Variants in CTNNA2 observed in about 807,000 individuals in gnomAD.
CTNNA2 encodes the protein catenin alpha-2.
In CTNNA2, 42 loss-of-function variants were observed where a neutral mutation model predicts 101.0. That is an observed-to-expected ratio of 0.42 (90% confidence interval 0.32 to 0.54). The LOEUF is 0.54. Ranked by LOEUF, CTNNA2 falls within the 20% of genes least tolerant of loss-of-function variation. The pLI is 0.14. For missense variants in CTNNA2, 871 were observed against 1,223.1 expected, an observed-to-expected ratio of 0.71 and a Z score of 4.29; for synonymous variants, 450 against 456.4, an observed-to-expected ratio of 0.99 and a Z score of 0.18.
intron 15 of CTNNA2, among the ~76,000 whole-genome samples, chr2:80,591,069 A>T (rs2149740288): frequency 6.6e-6 from 1 of 152,300 alleles, no homozygotes; most frequent in Admixed American, 6.5e-5. Context: ...TGGTCATGTT[A>T]CTAGTTTTGA....
intron 1 of CTNNA2, among the ~76,000 whole-genome samples, chr2:79,530,043 A>G (rs1672645544): frequency 6.6e-6 from 1 of 152,016 alleles, no homozygotes; most frequent in African/African-American, 2.4e-5. Context: ...GCAGCTAAAC[A>G]ATGACCCCAT....
intron 3 of CTNNA2, among the ~76,000 whole-genome samples, chr2:79,365,374 G>T (rs1394389680): frequency 6.6e-6 from 1 of 152,156 alleles, no homozygotes; most frequent in African/African-American, 2.4e-5. Flanking sequence ...TGTAATCCCA[G>T]CACTCTGGGA....
chr2:79,596,052 T>A (rs958211980), intron 1 of CTNNA2, among the ~76,000 whole-genome samples: 1 of 151,650 alleles, frequency 6.6e-6, no homozygotes, highest in Admixed American at 6.6e-5. Flanking sequence ...GCCCAATTGC[T>A]CTATCTTGGG....
intron 9 of CTNNA2, among the ~76,000 whole-genome samples, chr2:80,514,272 G>T (rs1688931754): frequency 1.3e-5 from 2 of 152,280 alleles, no homozygotes; most frequent in South Asian, 4.1e-4. Context: ...TTGGGTGCCA[G>T]AAGGAGCAGG....
chr2:79,372,013 C>T (rs1450928418), intron 3 of CTNNA2, among the ~76,000 whole-genome samples: 1 of 152,126 alleles, frequency 6.6e-6, no homozygotes, highest in Non-Finnish European at 1.5e-5. Flanking sequence ...AACTCTAAAA[C>T]AGCCATTCTC....
rs770802341 is a variant in CTNNA2, at chr2:80,647,570, C to G, written c.2575-15C>G. 33 of 1,586,604 alleles carry G rather than the reference C, an allele frequency of 2.1e-5. No homozygotes were observed. Among genetic ancestry groups the G allele is most frequent in the African/African-American group, 2.7e-5 (2 of 74,040 alleles). ...TCCATTAACCCACATGTATCTCATTCTTTTCCTACTCTAGCTGGACAGTGC... is the reference window on the plus strand; with the variant it reads ...TCCATTAACCCACATGTATCTCATTGTTTTCCTACTCTAGCTGGACAGTGC... On this transcript the variant is annotated splice_polypyrimidine_tract_variant and intron_variant, in intron 18 of 18. Transcript: ENST00000402739.
intron 7 of CTNNA2, among the ~76,000 whole-genome samples, chr2:80,226,211 A>T (rs186394201): frequency 6.6e-6 from 1 of 152,224 alleles, no homozygotes; most frequent in African/African-American, 2.4e-5. Context: ...TTGGATAATT[A>T]CAGTTGGTCT....
At chr2:79,411,875 A>G (rs371327296) in intron 4 of CTNNA2, among the ~76,000 whole-genome samples, 8 of 152,030 alleles carry the variant, frequency 5.3e-5, no homozygotes, top group Admixed American at 5.3e-4. Context: ...ATAATGACAG[A>G]ATCAAATTCA....
intron 7 of CTNNA2, among the ~76,000 whole-genome samples, chr2:80,004,124 A>T (rs1693163355): frequency 6.6e-6 from 1 of 152,186 alleles, no homozygotes; most frequent in South Asian, 2.1e-4. Flanking sequence ...TTGCTGCAAG[A>T]CTTTTCAGAA....
chr2:79,947,969 A>G (rs1395683639), intron 7 of CTNNA2, among the ~76,000 whole-genome samples: 3 of 152,224 alleles, frequency 2.0e-5, no homozygotes, highest in African/African-American at 7.2e-5. Context: ...GATCACCTAG[A>G]TGACTGAGGT....
intron 7 of CTNNA2, among the ~76,000 whole-genome samples, chr2:80,109,634 C>A (rs1360282719): frequency 2.0e-5 from 3 of 152,124 alleles, no homozygotes; most frequent in African/African-American, 7.2e-5. Context: ...GCATAATGTT[C>A]TCTGCTTCTC....
intron 9 of CTNNA2, among the ~76,000 whole-genome samples, chr2:80,505,316 T>C (rs1298445128): frequency 1.3e-5 from 2 of 152,330 alleles, no homozygotes; most frequent in Non-Finnish European, 2.9e-5. Context: ...ATCTCTTGGT[T>C]TGCCTAAAGG....
Position 80,047,187 on chromosome 2 carries a change from C to A in CTNNA2, c.1056+137390C>A, listed in dbSNP as rs142030794. Among the ~76,000 whole-genome samples the A allele has an allele frequency of 9.9e-3, 1,502 of 152,260 alleles. 22 individuals are homozygous for A. Among genetic ancestry groups the A allele is most frequent in the African/African-American group, 0.034 (1,428 of 41,540 alleles). On this transcript the variant is annotated intron_variant, in intron 7 of 18. Coordinates refer to ENST00000402739, the MANE Select transcript of CTNNA2 (RefSeq NM_001282597.3). Reference sequence around the variant, plus strand: ...AGTTCCTTTAGGCAATTTAATTCTGCAGGCTTACACTGTCCAATCCAGTAG... The same window carrying A: ...AGTTCCTTTAGGCAATTTAATTCTGAAGGCTTACACTGTCCAATCCAGTAG...
intron 7 of CTNNA2, among the ~76,000 whole-genome samples, chr2:80,131,864 T>C (rs1179227894): frequency 1.3e-5 from 2 of 152,148 alleles, no homozygotes; most frequent in African/African-American, 4.8e-5. Context: ...GTGGATCTCC[T>C]GAAGACAGGA....
At chr2:79,365,667 G>T (rs935275221) in intron 3 of CTNNA2, among the ~76,000 whole-genome samples, 3 of 151,728 alleles carry the variant, frequency 2.0e-5, no homozygotes, top group Non-Finnish European at 4.4e-5. Context: ...AGGGAAGTGG[G>T]GGGGACATGA....
chr2:79,300,011 C>A (rs1385775164), intron 2 of CTNNA2, among the ~76,000 whole-genome samples: 2 of 152,136 alleles, frequency 1.3e-5, no homozygotes, highest in Admixed American at 6.5e-5. Flanking sequence ...TAATATCTTG[C>A]ATTAGTGTAA....
intron 9 of CTNNA2, among the ~76,000 whole-genome samples, chr2:80,430,624 A>G (rs115737644): frequency 0.016 from 2,376 of 152,270 alleles, 40 homozygotes; most frequent in South Asian, 0.062. Flanking sequence ...AATATTGCTT[A>G]GTATACTCTC....
rs867905601 is a variant in CTNNA2 at position 80,558,559 on chromosome 2, T to C, written c.1741+2666T>C. Among the ~76,000 whole-genome samples the C allele has an allele frequency of 2.6e-5, 4 of 152,218 alleles. No individual in the cohort carries two copies. In the South Asian group the frequency reaches 6.2e-4, roughly 24 times the overall value. On this transcript the variant is annotated intron_variant, in intron 12 of 18. Transcript: ENST00000402739. ...GTCTGTGCTAAGGAGACATAAGATA[T>C]ATGTCCTCAAAATAGAAACCCTGTG...
At chr2:80,281,611 C>G (rs900869362) in intron 7 of CTNNA2, among the ~76,000 whole-genome samples, 7 of 151,784 alleles carry the variant, frequency 4.6e-5, no homozygotes, top group African/African-American at 1.7e-4. Context: ...TTTTTTTTCC[C>G]TTCATTATCT....
Sources: allele counts gnomAD v4.1 joint callset (sites outside exome capture counted in the v4.1 genomes callset), GRCh38; gene constraint gnomAD v4.1.1; transcripts MANE v1.5; gene names NCBI Gene and HGNC (gene_info 2026-07-23, HGNC 2026-07-21).